The following AMER1 variants were observed in gnomAD, a reference collection of about 807,000 sequenced individuals.
AMER1 encodes RP11-403E24.2.
Under a neutral mutation model 53.0 loss-of-function variants are expected in AMER1, and 16 were observed. That is an observed-to-expected ratio of 0.30 (90% CI 0.20 to 0.46). AMER1 has a LOEUF of 0.46. AMER1 is among the 20% of genes least tolerant of loss of function. The pLI, the probability that AMER1 is intolerant of heterozygous loss-of-function variation, is 1.00. For missense variants in AMER1, 947 were observed against 884.9 expected (o/e 1.07, Z -0.89); for synonymous variants, 354 against 331.9 (o/e 1.07, Z -0.73).
chrX:64,204,330 C>T (rs1248590641), intron 1 of AMER1, among the ~76,000 whole-genome samples: 1 of 113,981 alleles, frequency 8.8e-6, no homozygotes, highest in Non-Finnish European at 1.9e-5. Context: ...GCCTTGACCC[C>T]GCGGCCCTTG....
chrX:64,200,026 A>C (rs1387209956), intron 1 of AMER1, among the ~76,000 whole-genome samples: 1 of 112,507 alleles, frequency 8.9e-6, no homozygotes, highest in Non-Finnish European at 1.9e-5. Context: ...TTAGTGCCCC[A>C]GGTTCCTCCT....
Position 64,187,934 on chromosome X carries a change from G to C in AMER1, c.*1945C>G. 1 of 779,858 alleles carries C rather than the reference G, an allele frequency of 1.3e-6. No homozygotes were observed. Among genetic ancestry groups the C allele is most frequent in the Non-Finnish European group, 1.5e-6 (1 of 654,446 alleles). 64.3% of individuals were successfully genotyped at this position (779,858 alleles called of 1,213,427 possible). On this transcript the variant is annotated 3_prime_UTR_variant, in exon 2 of 2. Coordinates refer to ENST00000374869, the MANE Select transcript of AMER1 (RefSeq NM_152424.4). Reference sequence around the variant, plus strand: ...AAGTCAGCCTGAAGAGCTGGTCTGGGTCCCTTGAGTGGTGGTGTTAGTGCC... The same window carrying C: ...AAGTCAGCCTGAAGAGCTGGTCTGGCTCCCTTGAGTGGTGGTGTTAGTGCC...
rs1433103994 is a variant in AMER1, at chrX:64,189,058, G to T, written c.*821C>A. On this transcript the variant is annotated 3_prime_UTR_variant, in exon 2 of 2. Coordinates refer to ENST00000374869, the MANE Select transcript of AMER1 (RefSeq NM_152424.4). ...TTTTGTCTTCTGTTTGCAAATGGATGAATTTTATCACTCCATCAAGGGGAT... is the reference window on the plus strand; with the variant it reads ...TTTTGTCTTCTGTTTGCAAATGGATTAATTTTATCACTCCATCAAGGGGAT... 1 of 800,699 alleles carries T rather than the reference G, an allele frequency of 1.2e-6. No individual in the cohort carries two copies. Among genetic ancestry groups the T allele is most frequent in the East Asian group, 7.2e-5 (1 of 13,952 alleles). 66.0% of individuals were successfully genotyped at this position (800,699 alleles called of 1,213,427 possible).
chrX:64,191,119 T>C lies in AMER1; in HGVS notation c.2168A>G (p.Gln723Arg). 1 of 1,212,373 alleles carries C rather than the reference T, an allele frequency of 8.2e-7. No homozygotes were observed. The highest frequency in any genetic ancestry group is 1.1e-6 in the Non-Finnish European group (1 of 895,654). Residue 723 changes from glutamine (Q) to arginine (R), a missense_variant, in exon 2 of 2, where the codon CAG becomes CGG. Transcript: ENST00000374869. ...DQSTCLMQLF[Q>R]SDAMFEPDMQ... ...GTCTGGCTCAAACATGGCATCACTC[T>C]GGAAGAGCTGCATCAGGCAGGTACT...
rs1217956092 is a variant in AMER1, at chrX:64,191,037, G to A, written c.2250C>T (p.Pro750=). Residue 750 remains proline (P), a synonymous_variant, in exon 2 of 2, where the codon CCC becomes CCT. Coordinates refer to ENST00000374869, the MANE Select transcript of AMER1 (RefSeq NM_152424.4). ...SPRRAYPTYS[P]PEDPEEEEVE... Reference sequence around the variant, plus strand: ...CCTCCTCTTCCTCTGGATCTTCAGGGGGTGAATAAGTAGGGTAGGCCCTCC... The same window carrying A: ...CCTCCTCTTCCTCTGGATCTTCAGGAGGTGAATAAGTAGGGTAGGCCCTCC... 8.3e-6 allele frequency: 10 copies of A among 1,210,382 alleles called. No individual in the cohort carries two copies. The Admixed American group carries it at 2.2e-4, about 26-fold the overall frequency.
At position 64,189,635 on chromosome X, in the gene AMER1, G is replaced by C. The variant is rs1485276533; in HGVS notation, c.*244C>G. 1 of 972,270 alleles carries C rather than the reference G, an allele frequency of 1.0e-6. No individual in the cohort carries two copies. The highest frequency in any genetic ancestry group is 5.0e-5 in the Admixed American group (1 of 19,808). 80.1% of individuals were successfully genotyped at this position (972,270 alleles called of 1,213,427 possible). A position where few individuals can be genotyped will look rare whatever the true frequency, so the allele number is the denominator to read the frequency against. ...AGCGTGGGTCACAAGAAGAAACCTC[G>C]AAAGCAAAAACTGGAGTGCAGTAGC... On this transcript the variant is annotated 3_prime_UTR_variant, in exon 2 of 2. Coordinates refer to ENST00000374869, the MANE Select transcript of AMER1 (RefSeq NM_152424.4).
rs147299494 is a variant in AMER1 at position 64,192,369 on chromosome X, C to T, written c.918G>A (p.Gly306=). The change falls in exon 2 of 2, where the codon GGG becomes GGA. Residue 306 remains glycine (G), a synonymous_variant. Coordinates refer to ENST00000374869, the MANE Select transcript of AMER1 (RefSeq NM_152424.4). Reference sequence around the variant, plus strand: ...CCCCAAACAAGAGGCTCAGTGGGTCCCCCACAGGGCCATTGGGTGGGTTTA... The same window carrying T: ...CCCCAAACAAGAGGCTCAGTGGGTCTCCCACAGGGCCATTGGGTGGGTTTA... The part of the protein sequence containing the change: ...GEVNPPNGPV[G]DPLSLLFGDV... The T allele has an allele frequency of 1.6e-3, 1,954 of 1,211,235 alleles. 3 individuals are homozygous for T. Among genetic ancestry groups the T allele is most frequent in the Non-Finnish European group, 2.1e-3 (1,898 of 895,464 alleles).
At position 64,189,537 on chromosome X, in the gene AMER1, TA is replaced by T. The variant is rs1360103653; in HGVS notation, c.*341del. 3,162 of 108,658 alleles carry T rather than the reference TA, an allele frequency of 0.029. 293 individuals are homozygous for T. The highest frequency in any genetic ancestry group is 0.24 in the African/African-American group (2,952 of 12,113). The allele number at this position is 108,658 out of a possible 1,213,427, so 9.0% of individuals were successfully genotyped here. A position where few individuals can be genotyped will look rare whatever the true frequency, so the allele number is the denominator to read the frequency against. ...GTGTATATATATATATATATATATATATATATATATATATATATATAATCAC... is the reference window on the plus strand; with the variant it reads ...GTGTATATATATATATATATATATATTATATATATATATATATATAATCAC... On this transcript the variant is annotated 3_prime_UTR_variant, in exon 2 of 2. Transcript: ENST00000374869.
intron 1 of AMER1, among the ~76,000 whole-genome samples, chrX:64,201,590 A>G (rs1415671203): frequency 8.9e-6 from 1 of 111,734 alleles, no homozygotes; most frequent in Non-Finnish European, 1.9e-5. Flanking sequence ...AGGCTATGAA[A>G]TATTGCCTCA....
Position 64,192,096 on chromosome X carries a change from A to C in AMER1, c.1191T>G (p.Val397=), listed in dbSNP as rs773255833. 1.8e-5 allele frequency: 22 copies of C among 1,210,205 alleles called. No individual in the cohort carries two copies. The South Asian group carries it at 3.9e-4, about 21-fold the overall frequency. Reference sequence around the variant, plus strand: ...AGTCATCATCTTCTTCCTCCTCCTTAACCTCCTCTTCTTCCTCCTCTAATT... The same window carrying C: ...AGTCATCATCTTCTTCCTCCTCCTTCACCTCCTCTTCTTCCTCCTCTAATT... The part of the protein sequence containing the change: ...EVELEEEEEE[V]KEEEEDDDLE... Residue 397 remains valine, a synonymous_variant, in exon 2 of 2, where the codon GTT becomes GTG. Coordinates refer to ENST00000374869, the MANE Select transcript of AMER1 (RefSeq NM_152424.4).
rs1930186743 is a variant in AMER1, at chrX:64,189,514, G to GTATGTATA, written c.*364_*365insTATACATA. The GTATGTATA allele has an allele frequency of 3.6e-5, 1 of 28,073 alleles. No individual in the cohort carries two copies. Among genetic ancestry groups the GTATGTATA allele is most frequent in the Non-Finnish European group, 5.5e-5 (1 of 18,344 alleles). 2.3% of individuals were successfully genotyped at this position (28,073 alleles called of 1,213,427 possible). On this transcript the variant is annotated 3_prime_UTR_variant, in exon 2 of 2. Coordinates refer to ENST00000374869, the MANE Select transcript of AMER1 (RefSeq NM_152424.4). ...TGTGTGTGTGTGTGTGTGTGTGTGT[G>GTATGTATA]TATATATATATATATATATATATAT...
chrX:64,189,792 A>ATCGGGGGGGC lies in AMER1; in HGVS notation c.*86_*87insGCCCCCCCGA. Reference sequence around the variant, plus strand: ...CCAAAGGGTTTTCAAGTTAAACAACAACCCCCACCCCCCCACCCTTCTGCC... The same window carrying ATCGGGGGGGC: ...CCAAAGGGTTTTCAAGTTAAACAACATCGGGGGGGCACCCCCACCCCCCCACCCTTCTGCC... On this transcript the variant is annotated 3_prime_UTR_variant, in exon 2 of 2. Coordinates refer to ENST00000374869, the MANE Select transcript of AMER1 (RefSeq NM_152424.4). 1 of 746,979 alleles carries ATCGGGGGGGC rather than the reference A, an allele frequency of 1.3e-6. No homozygotes were observed. The highest frequency in any genetic ancestry group is 1.7e-6 in the Non-Finnish European group (1 of 590,434). The allele number at this position is 746,979 out of a possible 1,213,427, so 61.6% of individuals were successfully genotyped here. A position where few individuals can be genotyped will look rare whatever the true frequency, so the allele number is the denominator to read the frequency against.
In AMER1 at chrX:64,190,617, G is replaced by A. The variant is rs775971337; in HGVS notation, c.2670C>T (p.Asn890=). ...CAGTGTCGAGAGAGCGGCTTCTCCTGTTGAGGGCCATAGCAGCAGGTGGAG... is the reference window on the plus strand; with the variant it reads ...CAGTGTCGAGAGAGCGGCTTCTCCTATTGAGGGCCATAGCAGCAGGTGGAG... ...PRPPPAAMAL[N]RRSRSLDTAE... Residue 890 remains asparagine (N), a synonymous_variant, in exon 2 of 2, where the codon AAC becomes AAT. Transcript: ENST00000374869. 1 of 1,212,090 alleles carries A rather than the reference G, an allele frequency of 8.3e-7. No homozygotes were observed. The highest frequency in any genetic ancestry group is 3.0e-5 in the East Asian group (1 of 33,834).
chrX:64,189,646 CTG>C lies in AMER1; in HGVS notation c.*231_*232del, dbSNP rs1255563985. On this transcript the variant is annotated 3_prime_UTR_variant, in exon 2 of 2. Coordinates refer to ENST00000374869, the MANE Select transcript of AMER1 (RefSeq NM_152424.4). ...CAAGAAGAAACCTCGAAAGCAAAAA[CTG>C]GAGTGCAGTAGCAGCAGCAGCCTCC... 2.2e-5 allele frequency: 22 copies of C among 1,000,078 alleles called. No homozygotes were observed. Among genetic ancestry groups the C allele is most frequent in the Non-Finnish European group, 5.0e-6 (4 of 795,567 alleles). The allele number at this position is 1,000,078 out of a possible 1,213,427, so 82.4% of individuals were successfully genotyped here.
In AMER1 at chrX:64,185,181, TACAA is replaced by T; in HGVS notation, c.*4694_*4697del. 6.5e-6 allele frequency: 1 copy of T among 155,023 alleles called. No homozygotes were observed. The highest frequency in any genetic ancestry group is 2.3e-3 in the Middle Eastern group (1 of 443). The allele number at this position is 155,023 out of a possible 1,213,427, so 12.8% of individuals were successfully genotyped here. ...CATTCAGCAAAGAAGTATATGTTGT[TACAA>T]ACAGGCAGTGCATCAAGATATCCAG... On this transcript the variant is annotated 3_prime_UTR_variant, in exon 2 of 2. Coordinates refer to ENST00000374869, the MANE Select transcript of AMER1 (RefSeq NM_152424.4).
chrX:64,195,072 A>C (rs1280171306), intron 1 of AMER1, among the ~76,000 whole-genome samples: 3 of 111,523 alleles, frequency 2.7e-5, no homozygotes, highest in Non-Finnish European at 5.6e-5. Context: ...CAGGTTAGAG[A>C]TTTTTCTGTA....
chrX:64,190,137 A>T lies in AMER1; in HGVS notation c.3150T>A (p.Asp1050Glu), dbSNP rs756778843. The change falls in exon 2 of 2, where the codon GAT becomes GAA. Residue 1050 changes from aspartate (D) to glutamate (E), a missense_variant. Coordinates refer to ENST00000374869, the MANE Select transcript of AMER1 (RefSeq NM_152424.4). ...ASQSMRARPR[D>E]VLLPVDEPSC... ...TGGGCTCATCAACAGGCAGCAGCAC[A>T]TCTCGAGGCCTGGCCCTCATGCTCT... 1 of 1,208,244 alleles carries T rather than the reference A, an allele frequency of 8.3e-7. No individual in the cohort carries two copies. Among genetic ancestry groups the T allele is most frequent in the South Asian group, 1.8e-5 (1 of 56,081 alleles).
intron 1 of AMER1, among the ~76,000 whole-genome samples, chrX:64,201,448 A>AACACAC (rs532857666): frequency 0.075 from 6,197 of 82,986 alleles, 692 homozygotes; most frequent in African/African-American, 0.25. Flanking sequence ...TCCTTCCCCC[A>AACACAC]ACACACACAC....
chrX:64,190,879 A>C lies in AMER1; in HGVS notation c.2408T>G (p.Leu803Arg). 1 of 1,211,739 alleles carries C rather than the reference A, an allele frequency of 8.3e-7. No homozygotes were observed. The highest frequency in any genetic ancestry group is 1.1e-6 in the Non-Finnish European group (1 of 895,535). ...DSSFTQNLPELPPMVTFDIAD... is the reference protein window; with the variant it reads ...DSSFTQNLPERPPMVTFDIAD... Reference sequence around the variant, plus strand: ...GATGTCAAAGGTCACCATGGGAGGCAGCTCAGGGAGGTTTTGAGTGAAAGA... The same window carrying C: ...GATGTCAAAGGTCACCATGGGAGGCCGCTCAGGGAGGTTTTGAGTGAAAGA... The change falls in exon 2 of 2, where the codon CTG becomes CGG. Residue 803 changes from leucine (L) to arginine (R), a missense_variant. Coordinates refer to ENST00000374869, the MANE Select transcript of AMER1 (RefSeq NM_152424.4).
Sources: gnomAD v4.1 joint callset for allele counts (sites outside exome capture counted in the v4.1 genomes callset) on GRCh38, gnomAD v4.1.1 for gene constraint, MANE v1.5 for transcripts, NCBI Gene and HGNC (gene_info 2026-07-23, HGNC 2026-07-21) for gene names.